The following CRPPA variants were observed in gnomAD, a reference collection of about 807,000 sequenced individuals.
CRPPA encodes the protein D-ribitol-5-phosphate cytidylyltransferase.
CRPPA carries 43 observed loss-of-function variants against 52.0 expected under a neutral mutation model. The ratio of observed to expected loss-of-function variants is 0.83; its 90% CI spans 0.65 to 1.07. The LOEUF (loss-of-function observed/expected upper bound fraction) is 1.07, where lower values mean the gene tolerates loss of function less well. Ranked by LOEUF, CRPPA falls within the 50% of genes least tolerant of loss-of-function variation. The pLI is 0.00. For missense variants in CRPPA, 629 were observed against 551.7 expected (o/e 1.14, Z -1.40); for synonymous variants, 250 against 203.5 (o/e 1.23, Z -1.94).
At chr7:16,138,520 T>C in intron 9 of CRPPA, among the ~76,000 whole-genome samples, 1 of 152,180 alleles carries the variant, frequency 6.6e-6, no homozygotes, top group East Asian at 1.9e-4. Context: ...TATTAACCTA[T>C]GTTTCATGTT....
chr7:16,273,082 A>T (rs554232167), intron 6 of CRPPA, among the ~76,000 whole-genome samples: 29 of 151,362 alleles, frequency 1.9e-4, no homozygotes, highest in Non-Finnish European at 3.7e-4. Context: ...GTCATTTAGC[A>T]TTAGGTATAT....
intron 8 of CRPPA, among the ~76,000 whole-genome samples, chr7:16,251,797 C>A (rs1783456887): frequency 6.6e-6 from 1 of 152,014 alleles, no homozygotes; most frequent in African/African-American, 2.4e-5. Context: ...AATTGATACT[C>A]CAACATCACA....
At chr7:16,209,376 A>G (rs968876809) in intron 9 of CRPPA, 2 of 161,822 alleles carry the variant, frequency 1.2e-5, no homozygotes, top group Non-Finnish European at 2.6e-5. Flanking sequence ...GATTCAAGTG[A>G]TTGTCTTGCT....
intron 1 of CRPPA, among the ~76,000 whole-genome samples, chr7:16,419,113 A>G (rs1284940166): frequency 6.6e-6 from 1 of 152,210 alleles, no homozygotes; most frequent in East Asian, 1.9e-4. Flanking sequence ...CACTACCCAG[A>G]GAAATGGAAT....
At chr7:16,298,088 A>C (rs1474558227) in intron 5 of CRPPA, among the ~76,000 whole-genome samples, 1 of 152,118 alleles carries the variant, frequency 6.6e-6, no homozygotes, top group Non-Finnish European at 1.5e-5. Context: ...CTATGCCCAG[A>C]GAGGCATTTC....
chr7:16,258,811 T>C (rs1317088587), intron 7 of CRPPA, 109 bp downstream of exon 7: 2 of 620,244 alleles, frequency 3.2e-6, no homozygotes, highest in Non-Finnish European at 5.3e-6. Context: ...TCCAAAAATG[T>C]GTAGAAGAAC....
At chr7:16,188,752 T>G (rs909905983) in intron 9 of CRPPA, among the ~76,000 whole-genome samples, 17 of 152,202 alleles carry the variant, frequency 1.1e-4, no homozygotes, top group African/African-American at 4.1e-4. Flanking sequence ...TAATCCATAT[T>G]AAATGTATTT....
chr7:16,352,980 G>A (rs1786197252), intron 3 of CRPPA, among the ~76,000 whole-genome samples: 1 of 151,436 alleles, frequency 6.6e-6, no homozygotes, highest in African/African-American at 2.4e-5. Context: ...GCAAGAATAC[G>A]GATGAACCTA....
chr7:16,365,178 T>C (rs1323201109), intron 3 of CRPPA, among the ~76,000 whole-genome samples: 18 of 152,172 alleles, frequency 1.2e-4, no homozygotes, highest in Admixed American at 1.2e-3. Context: ...ATACAGGTCA[T>C]AGGATCTGGC....
intron 9 of CRPPA, among the ~76,000 whole-genome samples, chr7:16,215,745 CTT>C (rs1562562622): frequency 6.6e-6 from 1 of 152,112 alleles, no homozygotes; most frequent in East Asian, 1.9e-4. Flanking sequence ...TTGGAACAAA[CTT>C]AACAAAAAGT....
intron 8 of CRPPA, among the ~76,000 whole-genome samples, chr7:16,254,075 A>C (rs1430854374): frequency 1.3e-5 from 2 of 152,186 alleles, no homozygotes; most frequent in East Asian, 3.9e-4. Context: ...GATCATTAAA[A>C]AGTCAGGAAA....
intron 9 of CRPPA, among the ~76,000 whole-genome samples, chr7:16,131,327 A>G (rs901876078): frequency 1.3e-5 from 2 of 152,226 alleles, no homozygotes; most frequent in African/African-American, 2.4e-5. Flanking sequence ...ATTTTCTTAC[A>G]GAATAAGTGT....
At chr7:16,372,064 A>C (rs1486256350) in intron 3 of CRPPA, among the ~76,000 whole-genome samples, 1 of 152,162 alleles carries the variant, frequency 6.6e-6, no homozygotes, top group East Asian at 1.9e-4. Flanking sequence ...TGGATTACCA[A>C]CCTAAGAATA....
chr7:16,100,113 T>A (rs1782012549), intron 9 of CRPPA, among the ~76,000 whole-genome samples: 1 of 152,220 alleles, frequency 6.6e-6, no homozygotes, highest in African/African-American at 2.4e-5. Flanking sequence ...TCAACCCTTC[T>A]AACTGCAATT....
intron 8 of CRPPA, among the ~76,000 whole-genome samples, chr7:16,233,986 A>G (rs999447883): frequency 5.9e-5 from 9 of 152,156 alleles, no homozygotes; most frequent in African/African-American, 2.2e-4. Context: ...TGTTAATATT[A>G]TCAGTATTTA....
intron 8 of CRPPA, among the ~76,000 whole-genome samples, chr7:16,238,048 G>C (rs1443280883): frequency 6.6e-6 from 1 of 152,108 alleles, no homozygotes; most frequent in Non-Finnish European, 1.5e-5. Flanking sequence ...CAGGGAATTT[G>C]TCAACTCCCA....
At chr7:16,377,420 T>G (rs1428314078) in intron 2 of CRPPA, among the ~76,000 whole-genome samples, 1 of 152,176 alleles carries the variant, frequency 6.6e-6, no homozygotes, top group Admixed American at 6.5e-5. Flanking sequence ...AGAAAAAAGA[T>G]TCCACTGAAA....
chr7:16,395,950 C>T (rs189971346), intron 2 of CRPPA, among the ~76,000 whole-genome samples: 34 of 152,272 alleles, frequency 2.2e-4, no homozygotes, highest in African/African-American at 6.0e-4. Flanking sequence ...AAAAATAGAT[C>T]AAGTTCCACC....
chr7:16,342,387 T>C (rs1195373094), intron 3 of CRPPA, among the ~76,000 whole-genome samples: 2 of 152,120 alleles, frequency 1.3e-5, no homozygotes, highest in Non-Finnish European at 1.5e-5. Flanking sequence ...AGAGACCAGG[T>C]AAATCATTAT....
Sources: allele counts gnomAD v4.1 joint callset (sites outside exome capture counted in the v4.1 genomes callset), GRCh38; gene constraint gnomAD v4.1.1; transcripts MANE v1.5; gene names NCBI Gene and HGNC (gene_info 2026-07-23, HGNC 2026-07-21).